Variants in IDO2 observed in about 807,000 individuals in gnomAD.
IDO2 encodes the protein indoleamine 2,3-dioxygenase 2.
A neutral mutation model predicts 45.1 loss-of-function variants in IDO2; 46 were observed. The ratio of observed to expected loss-of-function variants is 1.02; its 90% CI spans 0.80 to 1.30. The LOEUF (loss-of-function observed/expected upper bound fraction) is 1.30. IDO2 is among the 50% of genes most tolerant of loss of function. The pLI, the probability that IDO2 is intolerant of heterozygous loss-of-function variation, is 0.00. For synonymous variants in IDO2, 218 were observed against 184.9 expected (o/e 1.18, Z -1.45); for missense variants, 544 against 491.8 (o/e 1.11, Z -1.00).
intron 2 of IDO2, among the ~76,000 whole-genome samples, chr8:39,957,783 G>C: frequency 6.6e-6 from 1 of 152,136 alleles, no homozygotes; most frequent in East Asian, 1.9e-4. Context: ...TTAAACCTTT[G>C]ATTTCATTTA....
chr8:39,952,381 A>T (rs1215286287), intron 2 of IDO2, among the ~76,000 whole-genome samples: 2 of 152,230 alleles, frequency 1.3e-5, no homozygotes, highest in Non-Finnish European at 2.9e-5. Flanking sequence ...CTCTTTTAGA[A>T]GTTCCTTCAG....
At chr8:40,010,163 T>C (rs1201969314) in intron 9 of IDO2, among the ~76,000 whole-genome samples, 2 of 152,172 alleles carry the variant, frequency 1.3e-5, no homozygotes, top group Non-Finnish European at 2.9e-5. Flanking sequence ...CTGTCGAATG[T>C]AGTGGCCAAA....
chr8:39,997,687 GA>G (rs1204579936), intron 8 of IDO2, among the ~76,000 whole-genome samples: 2 of 152,114 alleles, frequency 1.3e-5, no homozygotes, highest in Non-Finnish European at 2.9e-5. Context: ...TATCTTTTAT[GA>G]AAAAGATTCT....
intron 2 of IDO2, among the ~76,000 whole-genome samples, chr8:39,950,217 A>G (rs546556399): frequency 6.6e-6 from 1 of 152,284 alleles, no homozygotes; most frequent in South Asian, 2.1e-4. Context: ...AATGAGGGCC[A>G]AGGCCACTCA....
chr8:39,964,800 T>C (rs62513781), intron 3 of IDO2, among the ~76,000 whole-genome samples: 26,602 of 152,168 alleles, frequency 0.17, 2,904 homozygotes, highest in South Asian at 0.32. Flanking sequence ...TAGAGAAAAG[T>C]TCCAATGATG....
intron 9 of IDO2, among the ~76,000 whole-genome samples, chr8:40,011,046 G>A (rs1449118178): frequency 6.6e-6 from 1 of 152,146 alleles, no homozygotes; most frequent in Non-Finnish European, 1.5e-5. Flanking sequence ...GAGTAGCTGG[G>A]ACTACAGGTG....
chr8:39,939,077 C>T (rs1774880743), intron 1 of IDO2, among the ~76,000 whole-genome samples: 1 of 151,480 alleles, frequency 6.6e-6, no homozygotes, highest in South Asian at 2.1e-4. Context: ...CATGGTGAAA[C>T]CCCGGCTCTA....
intron 8 of IDO2, among the ~76,000 whole-genome samples, chr8:39,999,565 C>T (rs1286634195): frequency 6.6e-6 from 1 of 151,742 alleles, no homozygotes; most frequent in Non-Finnish European, 1.5e-5. Flanking sequence ...AGGCCTGAGC[C>T]ACCACGCCTG....
chr8:39,963,435 A>G (rs1808029360), intron 2 of IDO2, among the ~76,000 whole-genome samples, 173 bp from the exon 3 acceptor site: 1 of 152,212 alleles, frequency 6.6e-6, no homozygotes, highest in Non-Finnish European at 1.5e-5. Flanking sequence ...CTCCTTAGTC[A>G]TCTGTGTATC....
intron 1 of IDO2, among the ~76,000 whole-genome samples, chr8:39,942,884 G>C (rs954716192): frequency 6.6e-5 from 10 of 152,038 alleles, no homozygotes; most frequent in Non-Finnish European, 1.3e-4. Context: ...AGGTGCAGAG[G>C]GAATGGATGA....
chr8:39,999,935 G>C (rs895223909), intron 8 of IDO2, among the ~76,000 whole-genome samples: 2 of 152,170 alleles, frequency 1.3e-5, no homozygotes, highest in Non-Finnish European at 2.9e-5. Context: ...GCTGGGGTCA[G>C]GAATGGGAGG....
intron 3 of IDO2, among the ~76,000 whole-genome samples, chr8:39,967,921 G>C (rs1808115229): frequency 6.6e-6 from 1 of 152,198 alleles, no homozygotes; most frequent in South Asian, 2.1e-4. Context: ...CAGCCAGTTT[G>C]AAAACTAGCT....
chr8:39,977,079 AAAC>A (rs1325101891), intron 3 of IDO2, among the ~76,000 whole-genome samples: 2 of 152,208 alleles, frequency 1.3e-5, no homozygotes. Flanking sequence ...ATAAATTATT[AAAC>A]AACAATGAAC....
intron 8 of IDO2, among the ~76,000 whole-genome samples, chr8:39,993,094 C>G (rs1034630324): frequency 6.6e-6 from 1 of 152,176 alleles, no homozygotes; most frequent in African/African-American, 2.4e-5. Flanking sequence ...TGCCGCCTGT[C>G]AACCGTGCGT....
chr8:39,984,561 A>G (rs185125945), intron 5 of IDO2, among the ~76,000 whole-genome samples: 222 of 152,342 alleles, frequency 1.5e-3, no homozygotes, highest in Non-Finnish European at 2.3e-3. Flanking sequence ...GTTTAATTCC[A>G]GAGATGCGGA....
chr8:39,976,329 A>G (rs2129594267), intron 3 of IDO2, among the ~76,000 whole-genome samples: 2 of 152,284 alleles, frequency 1.3e-5, no homozygotes, highest in South Asian at 2.1e-4. Flanking sequence ...GGATATATAA[A>G]TAGCGAGGAA....
At chr8:39,968,677 A>G (rs1195724763) in intron 3 of IDO2, among the ~76,000 whole-genome samples, 1 of 151,614 alleles carries the variant, frequency 6.6e-6, no homozygotes, top group East Asian at 1.9e-4. Context: ...ACAAGGACAC[A>G]GAGAGGGGAA....
At chr8:40,000,011 C>T (rs1404207909) in intron 8 of IDO2, among the ~76,000 whole-genome samples, 4 of 152,124 alleles carry the variant, frequency 2.6e-5, no homozygotes, top group African/African-American at 4.8e-5. Flanking sequence ...CATGTCTTAC[C>T]TAGACTTCAT....
intron 2 of IDO2, among the ~76,000 whole-genome samples, chr8:39,951,833 T>G (rs41324645): frequency 0.15 from 23,197 of 152,204 alleles, 1,982 homozygotes; most frequent in East Asian, 0.28. Context: ...AAACATGACG[T>G]AGATCCACAG....
Sources: allele counts gnomAD v4.1 joint callset (sites outside exome capture counted in the v4.1 genomes callset), GRCh38; gene constraint gnomAD v4.1.1; transcripts MANE v1.5; gene names NCBI Gene and HGNC (gene_info 2026-07-23, HGNC 2026-07-21).